The following SEZ6L variants were observed in gnomAD, a reference collection of about 807,000 sequenced individuals.
SEZ6L encodes the protein seizure 6-like protein.
A neutral mutation model predicts 106.2 loss-of-function variants in SEZ6L; 37 were observed. That is an observed-to-expected ratio of 0.35 (90% confidence interval 0.27 to 0.46). The LOEUF is 0.46. Among genes scored for constraint, SEZ6L ranks in the 20% least tolerant of loss-of-function variants. The pLI is 1.00. For synonymous variants in SEZ6L, 541 were observed against 570.4 expected, an observed-to-expected ratio of 0.95 and a Z score of 0.73; for missense variants, 1,172 against 1,332.8, an observed-to-expected ratio of 0.88 and a Z score of 1.88.
chr22:26,245,243 A>G (rs538438529), intron 1 of SEZ6L, among the ~76,000 whole-genome samples: 18 of 152,172 alleles, frequency 1.2e-4, no homozygotes, highest in Non-Finnish European at 2.4e-4. Context: ...AGCTATGCAA[A>G]TTCCCCAGGC....
intron 1 of SEZ6L, among the ~76,000 whole-genome samples, chr22:26,208,858 G>C (rs1048499015): frequency 0.025 from 1,791 of 71,516 alleles, 37 homozygotes; most frequent in African/African-American, 0.094. Flanking sequence ...CTCTGTGTGT[G>C]TGTGTGTGTG....
At chr22:26,185,743 A>T (rs992742732) in intron 1 of SEZ6L, among the ~76,000 whole-genome samples, 1 of 152,094 alleles carries the variant, frequency 6.6e-6, no homozygotes, top group Non-Finnish European at 1.5e-5. Context: ...CACATATGAG[A>T]CCAGTGGGGT....
intron 5 of SEZ6L, among the ~76,000 whole-genome samples, chr22:26,300,316 C>A (rs1324766069): frequency 6.6e-6 from 1 of 152,178 alleles, no homozygotes; most frequent in Non-Finnish European, 1.5e-5. Context: ...CTCCCCACCC[C>A]ACAACAGGCC....
intron 1 of SEZ6L, among the ~76,000 whole-genome samples, chr22:26,194,295 TG>T (rs1241513383): frequency 1.3e-5 from 2 of 152,210 alleles, no homozygotes; most frequent in Non-Finnish European, 2.9e-5. Flanking sequence ...TTGTTCTTTT[TG>T]GCCTTTACAA....
intron 1 of SEZ6L, among the ~76,000 whole-genome samples, chr22:26,245,102 G>A (rs973619683): frequency 3.3e-5 from 5 of 152,144 alleles, no homozygotes; most frequent in Admixed American, 2.0e-4. Context: ...TTGTTGGGGC[G>A]CTCTGGTTTC....
intron 1 of SEZ6L, among the ~76,000 whole-genome samples, chr22:26,290,527 G>A (rs1367956299): frequency 1.3e-5 from 2 of 151,068 alleles, no homozygotes; most frequent in African/African-American, 2.4e-5. Flanking sequence ...GTGAGACTCC[G>A]TCTCAAAAAA....
At chr22:26,304,057 A>G (rs1425789829) in intron 5 of SEZ6L, among the ~76,000 whole-genome samples, 1 of 152,102 alleles carries the variant, frequency 6.6e-6, no homozygotes, top group East Asian at 1.9e-4. Flanking sequence ...ATCTCTCCTC[A>G]GAAAATTCAA....
chr22:26,340,064 A>G (rs2082777833), intron 9 of SEZ6L, among the ~76,000 whole-genome samples: 1 of 152,016 alleles, frequency 6.6e-6, no homozygotes, highest in African/African-American at 2.4e-5. Flanking sequence ...GTGAAACCCC[A>G]TCTCTACTAA....
At chr22:26,215,353 A>G (rs1266595195) in intron 1 of SEZ6L, among the ~76,000 whole-genome samples, 1 of 152,124 alleles carries the variant, frequency 6.6e-6, no homozygotes, top group East Asian at 1.9e-4. Context: ...CCAATAGGTA[A>G]TTTCTCAACC....
intron 9 of SEZ6L, among the ~76,000 whole-genome samples, chr22:26,333,316 C>T (rs939893612): frequency 6.6e-6 from 1 of 152,142 alleles, no homozygotes; most frequent in Admixed American, 6.5e-5. Context: ...ACTCTAGTGA[C>T]CTACATATCC....
intron 1 of SEZ6L, among the ~76,000 whole-genome samples, chr22:26,271,141 C>A (rs2080351409): frequency 1.3e-5 from 2 of 152,202 alleles, no homozygotes; most frequent in South Asian, 4.1e-4. Context: ...CATATCCCTT[C>A]ATTCCCAAGT....
chr22:26,306,057 G>C lies in SEZ6L; in HGVS notation c.1427G>C (p.Ser476Thr), dbSNP rs746354060. ...AGTTACCCTGAAAACACAAATGGGAGCCAATTCTGCATCTGGACGATTGAA... is the reference window on the plus strand; with the variant it reads ...AGTTACCCTGAAAACACAAATGGGACCCAATTCTGCATCTGGACGATTGAA... Reference protein sequence around the residue: ...SPSYPENTNGSQFCIWTIEAP... With the variant: ...SPSYPENTNGTQFCIWTIEAP... Residue 476 changes from serine (S) to threonine (T), a missense_variant, in exon 6 of 17, where the codon AGC becomes ACC. Transcript: ENST00000248933. 17 of 1,614,032 alleles carry C rather than the reference G, an allele frequency of 1.1e-5. No individual in the cohort carries two copies. In the Admixed American group the frequency reaches 2.5e-4, roughly 24 times the overall value.
chr22:26,195,698 A>G (rs1940529819), intron 1 of SEZ6L, among the ~76,000 whole-genome samples: 1 of 152,008 alleles, frequency 6.6e-6, no homozygotes, highest in Non-Finnish European at 1.5e-5. Flanking sequence ...AAAGACAATA[A>G]GTAAGTTAAT....
Position 26,324,813 on chromosome 22 carries a change from G to A in SEZ6L, c.2015+10911G>A, listed in dbSNP as rs558367638. ...GGAAACTGAGGCCCAGAGATGGGAA[G>A]AGATTGCCCCAAGACCACTCTATCA... On this transcript the variant is annotated intron_variant, in intron 9 of 16. Transcript: ENST00000248933. Among the ~76,000 whole-genome samples, 5 of 152,334 alleles carry A rather than the reference G, an allele frequency of 3.3e-5. No individual in the cohort carries two copies. In the South Asian group the frequency reaches 8.3e-4, roughly 25 times the overall value.
chr22:26,380,334 C>T lies in SEZ6L; in HGVS notation c.*39C>T, dbSNP rs1369591735. The T allele has an allele frequency of 6.4e-7, 1 of 1,560,542 alleles. No individual in the cohort carries two copies. The highest frequency in any genetic ancestry group is 1.7e-5 in the Admixed American group (1 of 59,916). On this transcript the variant is annotated 3_prime_UTR_variant, in exon 17 of 17. Coordinates refer to ENST00000248933, the MANE Select transcript of SEZ6L (RefSeq NM_021115.5). ...TGAGAAGGGGACTTGTGAACTCAACCACAATCTCCTCGAGACATTCATCCA... is the reference window on the plus strand; with the variant it reads ...TGAGAAGGGGACTTGTGAACTCAACTACAATCTCCTCGAGACATTCATCCA...
intron 5 of SEZ6L, among the ~76,000 whole-genome samples, chr22:26,302,329 AG>A (rs1368568451): frequency 6.6e-6 from 1 of 152,220 alleles, no homozygotes; most frequent in Non-Finnish European, 1.5e-5. Flanking sequence ...CACCTGGAGA[AG>A]CACTGGTTTG....
rs1233190188 is a variant in SEZ6L at position 26,340,636 on chromosome 22, G to T, written c.2212+4G>T. On this transcript the variant is annotated splice_donor_region_variant and intron_variant, in intron 10 of 16. Transcript: ENST00000248933. The stretch of plus-strand genomic sequence containing the variant: ...GGATTTATCATGAACTACATAGGTA[G>T]GTGTCTCATCTGGTCAATTTATTTT... 6.2e-7 allele frequency: 1 copy of T among 1,608,130 alleles called. No individual in the cohort carries two copies. Among genetic ancestry groups the T allele is most frequent in the East Asian group, 2.2e-5 (1 of 44,800 alleles).
At chr22:26,240,367 G>T (rs560245197) in intron 1 of SEZ6L, among the ~76,000 whole-genome samples, 2 of 152,244 alleles carry the variant, frequency 1.3e-5, no homozygotes, top group Non-Finnish European at 2.9e-5. Context: ...CTCAGGCCTA[G>T]GTGTGATGCT....
At chr22:26,342,390 TAAA>T (rs2082864044) in intron 10 of SEZ6L, among the ~76,000 whole-genome samples, 1 of 152,122 alleles carries the variant, frequency 6.6e-6, no homozygotes, top group Non-Finnish European at 1.5e-5. Flanking sequence ...CCCGTTCACT[TAAA>T]GAATTGTCCA....
Sources: gnomAD v4.1 joint callset for allele counts (sites outside exome capture counted in the v4.1 genomes callset) on GRCh38, gnomAD v4.1.1 for gene constraint, MANE v1.5 for transcripts, NCBI Gene and HGNC (gene_info 2026-07-23, HGNC 2026-07-21) for gene names.